TMEM97: variants seen among roughly 807,000 people sequenced by gnomAD.
TMEM97 encodes sigma intracellular receptor 2.
TMEM97 carries 13 observed loss-of-function variants against 18.3 expected under a neutral mutation model. That is an observed-to-expected ratio of 0.71 (90% CI 0.46 to 1.13). The LOEUF is 1.13. Among genes scored for constraint, TMEM97 ranks in the 50% most tolerant of loss-of-function variants. TMEM97 has a pLI of 0.00. For missense variants in TMEM97, 205 were observed against 210.5 expected (o/e 0.97, Z 0.16); for synonymous variants, 76 against 85.3 (o/e 0.89, Z 0.60).
Position 28,328,276 on chromosome 17 carries a change from A to G in TMEM97, c.*1483A>G, listed in dbSNP as rs1465985512. On this transcript the variant is annotated 3_prime_UTR_variant, in exon 3 of 3. Transcript: ENST00000226230. Reference sequence around the variant, plus strand: ...GGGATAGAGAATCCAGGGTTCTCTCATGAGGAGTTAAACATATTTCAAGAG... The same window carrying G: ...GGGATAGAGAATCCAGGGTTCTCTCGTGAGGAGTTAAACATATTTCAAGAG... The G allele has an allele frequency of 1.4e-5, 3 of 210,140 alleles. No individual in the cohort carries two copies. The East Asian group carries it at 4.8e-4, about 34-fold the overall frequency. 13.0% of individuals were successfully genotyped at this position (210,140 alleles called of 1,614,324 possible). A position where few individuals can be genotyped will look rare whatever the true frequency, so the allele number is the denominator to read the frequency against.
intron 1 of TMEM97, chr17:28,324,595 G>T (rs1315875119): frequency 1.3e-5 from 2 of 152,192 alleles, no homozygotes; most frequent in African/African-American, 4.8e-5. Flanking sequence ...ACGTTTAGTA[G>T]TCCACATAGA....
In TMEM97 at chr17:28,324,305, C is replaced by G. The variant is rs1026600623; in HGVS notation, c.127-1198C>G. ...ATCCTTTGGTCAATAAATTGGTTAT[C>G]TAGCCAAAGCCTTTCTGAAATTAAT... On this transcript the variant is annotated intron_variant, in intron 1 of 2. Transcript: ENST00000226230. Among the ~76,000 whole-genome samples, 7 of 152,212 alleles carry G rather than the reference C, an allele frequency of 4.6e-5. 2 individuals carry two copies. The South Asian group carries it at 1.4e-3, about 31-fold the overall frequency.
rs542218565 is a variant in TMEM97 at position 28,327,260 on chromosome 17, T to G, written c.*467T>G. The G allele has an allele frequency of 1.2e-5, 2 of 170,704 alleles. No homozygotes were observed. Among genetic ancestry groups the G allele is most frequent in the Non-Finnish European group, 2.6e-5 (2 of 78,170 alleles). The allele number at this position is 170,704 out of a possible 1,614,324, so 10.6% of individuals were successfully genotyped here. On this transcript the variant is annotated 3_prime_UTR_variant, in exon 3 of 3. Transcript: ENST00000226230. ...TGCTGGGATTACAGACGTGAACCACTGGGCCCAGCCCAAACCTTCACCTTC... is the reference window on the plus strand; with the variant it reads ...TGCTGGGATTACAGACGTGAACCACGGGGCCCAGCCCAAACCTTCACCTTC...
chr17:28,321,475 C>A (rs1407625561), intron 1 of TMEM97, among the ~76,000 whole-genome samples: 1 of 152,134 alleles, frequency 6.6e-6, no homozygotes, highest in African/African-American at 2.4e-5. Flanking sequence ...GGTCCTTTGT[C>A]ACCCAGGCTT....
At position 28,328,674 on chromosome 17, in the gene TMEM97, T is replaced by C; in HGVS notation, c.*1881T>C. The C allele has an allele frequency of 6.2e-7, 1 of 1,604,640 alleles. No individual in the cohort carries two copies. The highest frequency in any genetic ancestry group is 8.5e-7 in the Non-Finnish European group (1 of 1,176,148). On this transcript the variant is annotated 3_prime_UTR_variant, in exon 3 of 3. Coordinates refer to ENST00000226230, the MANE Select transcript of TMEM97 (RefSeq NM_014573.3). ...AGTTCATTTCTGAAAAATAAATTGG[T>C]CAATAAATTCATTTTGTTCTGCTTC...
At chr17:28,319,492 C>A (rs537922451) in intron 1 of TMEM97, 127 bp downstream of exon 1, 7 of 1,176,756 alleles carry the variant, frequency 5.9e-6, no homozygotes, top group African/African-American at 1.6e-5. Flanking sequence ...GCCCATGCCT[C>A]CCCCGCTCCT....
intron 2 of TMEM97, among the ~76,000 whole-genome samples, chr17:28,326,107 G>A (rs1555575419): frequency 2.0e-5 from 3 of 152,130 alleles, no homozygotes; most frequent in Non-Finnish European, 2.9e-5. Flanking sequence ...GACCATACAC[G>A]TGTACTTGAT....
rs782587874 is a variant in TMEM97, at chr17:28,319,218, G to A, written c.-22G>A. The stretch of plus-strand genomic sequence containing the variant: ...TTGGCCCCTCTTCTCACATCAGCGG[G>A]TCCAGGCCCAACCGACAGACTATGG... On this transcript the variant is annotated 5_prime_UTR_variant, in exon 1 of 3. Coordinates refer to ENST00000226230, the MANE Select transcript of TMEM97 (RefSeq NM_014573.3). The A allele has an allele frequency of 1.6e-5, 26 of 1,592,518 alleles. No individual in the cohort carries two copies. The South Asian group carries it at 2.1e-4, about 13-fold the overall frequency.
intron 2 of TMEM97, 146 bp from the exon 3 acceptor site, chr17:28,326,388 T>C (rs1906336226): frequency 1.1e-6 from 1 of 902,278 alleles, no homozygotes; most frequent in Non-Finnish European, 1.7e-6. Context: ...TGTTGGGCAG[T>C]GTGGCACATC....
Position 28,323,493 on chromosome 17 carries a change from C to T in TMEM97, c.127-2010C>T, listed in dbSNP as rs140622301. On this transcript the variant is annotated intron_variant, in intron 1 of 2. Coordinates refer to ENST00000226230, the MANE Select transcript of TMEM97 (RefSeq NM_014573.3). ...TCACCCAGGCCGGAGTGCAGTGGCT[C>T]GATCTCGGCTCACTGCAACCTCAGC... Among the ~76,000 whole-genome samples, 420 of 151,330 alleles carry T rather than the reference C, an allele frequency of 2.8e-3. 17 individuals are homozygous for T. The East Asian group carries it at 0.07, about 25-fold the overall frequency.
In TMEM97 at chr17:28,326,931, G is replaced by C. The variant is rs1906375326; in HGVS notation, c.*138G>C. 4 of 1,084,548 alleles carry C rather than the reference G, an allele frequency of 3.7e-6. No homozygotes were observed. The Admixed American group carries it at 7.0e-5, about 19-fold the overall frequency. The allele number at this position is 1,084,548 out of a possible 1,614,324, so 67.2% of individuals were successfully genotyped here. A position where few individuals can be genotyped will look rare whatever the true frequency, so the allele number is the denominator to read the frequency against. On this transcript the variant is annotated 3_prime_UTR_variant, in exon 3 of 3. Transcript: ENST00000226230. ...CAGCAATGCACAAGAGCAAGATGGT[G>C]TCAGGAACCATGTCAAACCCTCACC...
chr17:28,320,687 G>A (rs373988119), intron 1 of TMEM97, among the ~76,000 whole-genome samples: 4 of 152,166 alleles, frequency 2.6e-5, no homozygotes, highest in African/African-American at 7.2e-5. Flanking sequence ...CAGTTCTGGA[G>A]GCCAGAAGTT....
intron 1 of TMEM97, 197 bp downstream of exon 1, chr17:28,319,562 A>C (rs1906061791): frequency 8.7e-6 from 5 of 572,706 alleles, no homozygotes; most frequent in African/African-American, 2.0e-5. Context: ...CCCTTCTCCC[A>C]AGCGGCGGGG....
chr17:28,326,286 G>A (rs1906328667), intron 2 of TMEM97, among the ~76,000 whole-genome samples: 1 of 152,188 alleles, frequency 6.6e-6, no homozygotes, highest in South Asian at 2.1e-4. Flanking sequence ...GGTAATGGCA[G>A]TTTTATTGCC....
At position 28,319,263 on chromosome 17, in the gene TMEM97, C is replaced by CTGCGTG. The variant is rs1164594775; in HGVS notation, c.25_30dup (p.Cys9_Val10dup). 15 of 1,610,342 alleles carry CTGCGTG rather than the reference C, an allele frequency of 9.3e-6. No individual in the cohort carries two copies. The highest frequency in any genetic ancestry group is 1.3e-5 in the Non-Finnish European group (15 of 1,178,318). On this transcript the variant is annotated inframe_insertion, in exon 1 of 3. Coordinates refer to ENST00000226230, the MANE Select transcript of TMEM97 (RefSeq NM_014573.3). ...CTATGGGGGCTCCGGCAACCAGGCG[C>CTGCGTG]TGCGTGGAGTGGCTGCTGGGCCTCT...
Position 28,327,002 on chromosome 17 carries a change from C to A in TMEM97, c.*209C>A. ...TTTTAAGACAGTCTCACTCTGTTGC[C>A]CAGGCTGGAGTAAAGGGCAGTGGCA... is the stretch of plus-strand genomic sequence containing the variant. On this transcript the variant is annotated 3_prime_UTR_variant, in exon 3 of 3. Coordinates refer to ENST00000226230, the MANE Select transcript of TMEM97 (RefSeq NM_014573.3). 1 of 584,076 alleles carries A rather than the reference C, an allele frequency of 1.7e-6. No individual in the cohort carries two copies. Among genetic ancestry groups the A allele is most frequent in the Non-Finnish European group, 2.9e-6 (1 of 343,578 alleles). The allele number at this position is 584,076 out of a possible 1,614,324, so 36.2% of individuals were successfully genotyped here.
rs1555575378 is a variant in TMEM97 at position 28,325,620 on chromosome 17, C to G, written c.244C>G (p.Pro82Ala). 6.2e-7 allele frequency: 1 copy of G among 1,614,092 alleles called. No homozygotes were observed. The highest frequency in any genetic ancestry group is 1.3e-5 in the African/African-American group (1 of 74,918). The change falls in exon 2 of 3, where the codon CCC becomes GCC. Residue 82 changes from proline (P) to alanine (A), a missense_variant. Physicochemically the swap from Pro to Ala is conservative, Grantham distance 27. Coordinates refer to ENST00000226230, the MANE Select transcript of TMEM97 (RefSeq NM_014573.3). ...GCTTGTGTTTCAGCTGCCTTTCTTT[C>G]CCATTGCAACGTATGCCTTCCTCAA... The part of the protein sequence containing the change: ...CELVFQLPFF[P>A]IATYAFLKGS...
In TMEM97 at chr17:28,326,977, T is replaced by G. The variant is rs1906377833; in HGVS notation, c.*184T>G. ...TCACCTTCTTCCATTTTTTTTTTTT[T>G]TTTAAGACAGTCTCACTCTGTTGCC... On this transcript the variant is annotated 3_prime_UTR_variant, in exon 3 of 3. Coordinates refer to ENST00000226230, the MANE Select transcript of TMEM97 (RefSeq NM_014573.3). 17 of 761,118 alleles carry G rather than the reference T, an allele frequency of 2.2e-5. No homozygotes were observed. The Admixed American group carries it at 4.1e-4, about 18-fold the overall frequency. The allele number at this position is 761,118 out of a possible 1,614,324, so 47.1% of individuals were successfully genotyped here.
intron 1 of TMEM97, among the ~76,000 whole-genome samples, chr17:28,324,479 AT>A (rs749520790): frequency 1.6e-4 from 24 of 152,366 alleles, no homozygotes; most frequent in Non-Finnish European, 3.1e-4. Flanking sequence ...AGTAAGATAA[AT>A]TCTTACCCTG....
Sources: gnomAD v4.1 joint callset for allele counts (sites outside exome capture counted in the v4.1 genomes callset) on GRCh38, gnomAD v4.1.1 for gene constraint, MANE v1.5 for transcripts, NCBI Gene and HGNC (gene_info 2026-07-23, HGNC 2026-07-21) for gene names.